DNAAF3: variants seen among roughly 807,000 people sequenced by gnomAD.
DNAAF3 encodes the protein dynein axonemal assembly factor 3.
In DNAAF3, 40 loss-of-function variants were observed where a neutral mutation model predicts 50.9. That is an observed-to-expected ratio of 0.79 (90% CI 0.61 to 1.02). The LOEUF (loss-of-function observed/expected upper bound fraction) is 1.02, where lower values mean the gene tolerates loss of function less well. Among genes scored for constraint, DNAAF3 ranks in the 50% least tolerant of loss-of-function variants. The pLI is 0.00. For missense variants in DNAAF3, 763 were observed against 744.7 expected, an observed-to-expected ratio of 1.02 and a Z score of -0.29; for synonymous variants, 327 against 322.8, an observed-to-expected ratio of 1.01 and a Z score of -0.14.
intron 4 of DNAAF3, chr19:55,162,517 C>T (rs1436560584): frequency 3.0e-5 from 24 of 801,454 alleles, no homozygotes; most frequent in Middle Eastern, 4.6e-4. Flanking sequence ...AACCCGGAGG[C>T]GGAGGTTGCA....
chr19:55,160,904 C>T lies in DNAAF3; in HGVS notation c.913-129G>A. The T allele has an allele frequency of 6.9e-7, 1 of 1,454,230 alleles. No homozygotes were observed. The highest frequency in any genetic ancestry group is 1.4e-5 in the South Asian group (1 of 73,616). The allele number at this position is 1,454,230 out of a possible 1,614,324, so 90.1% of individuals were successfully genotyped here. On this transcript the variant is annotated intron_variant, in intron 8 of 11. Coordinates refer to ENST00000524407, the MANE Select transcript of DNAAF3 (RefSeq NM_001256715.2). This position sits in a 1 kb window ranked among gnomAD's most constrained non-coding sequence, Gnocchi z 4.7. ...TGGAGGATGTGAAGTGGGGCGGGAC[C>T]TATCCCGCGGGGATGGGGCCTGTTC... is the stretch of plus-strand genomic sequence containing the variant.
Position 55,162,367 on chromosome 19 carries a change from G to A in DNAAF3, c.323-77C>T, listed in dbSNP as rs2085853447. 6 of 1,230,942 alleles carry A rather than the reference G, an allele frequency of 4.9e-6. No individual in the cohort carries two copies. In the East Asian group the frequency reaches 1.9e-4, roughly 39 times the overall value. 76.3% of individuals were successfully genotyped at this position (1,230,942 alleles called of 1,614,324 possible). On this transcript the variant is annotated intron_variant, in intron 4 of 11. Coordinates refer to ENST00000524407, the MANE Select transcript of DNAAF3 (RefSeq NM_001256715.2). ...AATTACACCCTTAATATGTTATTAT[G>A]TCATAGTCATCTAATGAAAACAATG... is the stretch of plus-strand genomic sequence containing the variant.
rs201905107 is a variant in DNAAF3 at position 55,162,095 on chromosome 19, C to T, written c.480+38G>A. 661 of 1,240,142 alleles carry T rather than the reference C, an allele frequency of 5.3e-4. 1 individual carries two copies. The African/African-American group carries it at 8.8e-3, about 17-fold the overall frequency. The allele number at this position is 1,240,142 out of a possible 1,614,324, so 76.8% of individuals were successfully genotyped here. The stretch of plus-strand genomic sequence containing the variant: ...GGACTGTGCGCTTCCATTATTCCCG[C>T]GGCCACCCGATCCCAGATGGAGGCC... On this transcript the variant is annotated intron_variant, in intron 5 of 11. Transcript: ENST00000524407.
In DNAAF3 at chr19:55,158,802, T is replaced by C. The variant is rs2085765029; in HGVS notation, c.*260A>G. ...CAAGGGCCTGAGACTCAGTGTCAGA[T>C]CCTAGGCTGGGCTTAGAGCCTCAGA... On this transcript the variant is annotated 3_prime_UTR_variant, in exon 12 of 12. Coordinates refer to ENST00000524407, the MANE Select transcript of DNAAF3 (RefSeq NM_001256715.2). 2.6e-6 allele frequency: 1 copy of C among 391,494 alleles called. No homozygotes were observed. Among genetic ancestry groups the C allele is most frequent in the Non-Finnish European group, 4.6e-6 (1 of 219,358 alleles). The allele number at this position is 391,494 out of a possible 1,614,324, so 24.3% of individuals were successfully genotyped here.
chr19:55,161,493 G>C lies in DNAAF3; in HGVS notation c.664-75C>G. On this transcript the variant is annotated intron_variant, in intron 6 of 11. Coordinates refer to ENST00000524407, the MANE Select transcript of DNAAF3 (RefSeq NM_001256715.2). This position sits in a 1 kb window ranked among gnomAD's most constrained non-coding sequence, Gnocchi z 6.4. ...GAGACCCCTACACCAGCCTCCCTCA[G>C]ACCCAGGAGTCCAGGTCCCCAGGCC... 1 of 1,523,400 alleles carries C rather than the reference G, an allele frequency of 6.6e-7. No individual in the cohort carries two copies. The highest frequency in any genetic ancestry group is 8.8e-7 in the Non-Finnish European group (1 of 1,138,246). The allele number at this position is 1,523,400 out of a possible 1,614,324, so 94.4% of individuals were successfully genotyped here.
Position 55,161,384 on chromosome 19 carries a change from C to G in DNAAF3, c.698G>C (p.Trp233Ser), listed in dbSNP as rs1392029622. The change falls in exon 7 of 12, where the codon TGG (tryptophan) becomes TCG (serine). Residue 233 changes from tryptophan (W) to serine (S), a missense_variant. Coordinates refer to ENST00000524407, the MANE Select transcript of DNAAF3 (RefSeq NM_001256715.2). The surrounding 1 kb of genome is among the most constrained non-coding windows in gnomAD (Gnocchi z 6.4). ...TTCAAAGGCGACGCCTGTGTCCCGC[C>G]AGCGTCGGAACTCCTGGGGGTGAAT... is the stretch of plus-strand genomic sequence containing the variant. ...QVIHPQEFRR[W>S]RDTGVAFELR... 2 of 1,602,132 alleles carry G rather than the reference C, an allele frequency of 1.2e-6. No homozygotes were observed. The highest frequency in any genetic ancestry group is 1.7e-6 in the Non-Finnish European group (2 of 1,174,590).
Position 55,160,014 on chromosome 19 carries a change from C to G in DNAAF3, c.1049-1G>C. The stretch of plus-strand genomic sequence containing the variant: ...GTGAAAGATTCCGGGGTCGGGGCTG[C>G]TGGGGGAAGGGGATAGAGGGGTCAC... On this transcript the variant is annotated splice_acceptor_variant, in intron 9 of 11. Transcript: ENST00000524407. LOFTEE classifies it high-confidence loss of function. This position sits in a 1 kb window ranked among gnomAD's most constrained non-coding sequence, Gnocchi z 4.7. 1 of 1,359,674 alleles carries G rather than the reference C, an allele frequency of 7.4e-7. No homozygotes were observed. Among genetic ancestry groups the G allele is most frequent in the Non-Finnish European group, 1.0e-6 (1 of 968,202 alleles). The allele number at this position is 1,359,674 out of a possible 1,614,324, so 84.2% of individuals were successfully genotyped here.
At position 55,165,391 on chromosome 19, in the gene DNAAF3, G is replaced by A. The variant is rs745672775; in HGVS notation, c.301C>T (p.Pro101Ser). 16 of 1,614,028 alleles carry A rather than the reference G, an allele frequency of 9.9e-6. No homozygotes were observed. In the Admixed American group the frequency reaches 1.7e-4, roughly 17 times the overall value. The part of the protein sequence containing the change: ...MLIFSLALEE[P>S]EKMGLQERSE... ...AGACCTTGCAGCCCCATCTTCTCCG[G>A]TTCCTCCAGGGCTAGGCTGAAGATC... is the stretch of plus-strand genomic sequence containing the variant. Residue 101 changes from proline to serine, a missense_variant, in exon 4 of 12, where the codon CCG becomes TCG. Coordinates refer to ENST00000524407, the MANE Select transcript of DNAAF3 (RefSeq NM_001256715.2).
chr19:55,159,720 C>A (rs1433188233), intron 10 of DNAAF3, 113 bp from the exon 11 acceptor site: 2 of 1,560,962 alleles, frequency 1.3e-6, no homozygotes, highest in Non-Finnish European at 1.7e-6. Flanking sequence ...GAGTCTGGGT[C>A]CTGGGGAAAG....
chr19:55,159,783 C>T, intron 10 of DNAAF3, 116 bp downstream of exon 10: 1 of 968,140 alleles, frequency 1.0e-6, no homozygotes, highest in Non-Finnish European at 1.3e-6. Flanking sequence ...GGCTGGGGGC[C>T]TGGACCCCTG....
rs769825284 is a variant in DNAAF3 at position 55,160,090 on chromosome 19, TGG to T, written c.1049-79_1049-78del. On this transcript the variant is annotated intron_variant, in intron 9 of 11. Coordinates refer to ENST00000524407, the MANE Select transcript of DNAAF3 (RefSeq NM_001256715.2). The surrounding 1 kb of genome is among the most constrained non-coding windows in gnomAD (Gnocchi z 4.7). ...GGAAAACCAGAGAGATACACAGAGC[TGG>T]GCAGAGCTGGGCAGGCACACAGGAC... 4.5e-5 allele frequency: 41 copies of T among 914,504 alleles called. No homozygotes were observed. Among genetic ancestry groups the T allele is most frequent in the Non-Finnish European group, 7.2e-5 (40 of 557,128 alleles). 56.6% of individuals were successfully genotyped at this position (914,504 alleles called of 1,614,324 possible).
intron 10 of DNAAF3, 90 bp from the exon 11 acceptor site, chr19:55,159,697 G>A: frequency 6.3e-7 from 1 of 1,589,064 alleles, no homozygotes; most frequent in Non-Finnish European, 8.5e-7. Context: ...AGGGAGGAGG[G>A]GTGGCAAAAC....
rs766154848 is a variant in DNAAF3, at chr19:55,159,038, G to A, written c.*24C>T. The stretch of plus-strand genomic sequence containing the variant: ...CTACAACCTGACTTTGGAAGTTGGA[G>A]ATAAGGGGTGTCTAGGGGTTGGGTC... On this transcript the variant is annotated 3_prime_UTR_variant, in exon 12 of 12. Coordinates refer to ENST00000524407, the MANE Select transcript of DNAAF3 (RefSeq NM_001256715.2). 12 of 1,545,824 alleles carry A rather than the reference G, an allele frequency of 7.8e-6. No individual in the cohort carries two copies. The African/African-American group carries it at 1.5e-4, about 20-fold the overall frequency.
chr19:55,161,233 C>T lies in DNAAF3; in HGVS notation c.790-46G>A, dbSNP rs74380007. The T allele has an allele frequency of 2.5e-6, 4 of 1,591,944 alleles. No homozygotes were observed. The highest frequency in any genetic ancestry group is 3.4e-6 in the Non-Finnish European group (4 of 1,166,334). On this transcript the variant is annotated intron_variant, in intron 7 of 11. Transcript: ENST00000524407. This position sits in a 1 kb window ranked among gnomAD's most constrained non-coding sequence, Gnocchi z 6.4. ...GAGGCAGGTGAGGTCGATGTTGGGG[C>T]CCCTGACTCCTAGGACTCCGAGCAG...
chr19:55,159,486 T>C (rs753118183), intron 11 of DNAAF3, 37 bp from the exon 12 acceptor site: 5 of 1,604,748 alleles, frequency 3.1e-6, no homozygotes, highest in Admixed American at 1.7e-5. Flanking sequence ...GACCCAGATT[T>C]TGATCCCCAG....
chr19:55,165,576 C>T (rs1232616904), intron 3 of DNAAF3, 113 bp from the exon 4 acceptor site: 7 of 1,063,992 alleles, frequency 6.6e-6, no homozygotes, highest in Non-Finnish European at 9.6e-6. Flanking sequence ...TTCTGTACAC[C>T]AGCCTCTTCC....
In DNAAF3 at chr19:55,159,929, C is replaced by A; in HGVS notation, c.1133G>T (p.Gly378Val). 1 of 1,613,964 alleles carries A rather than the reference C, an allele frequency of 6.2e-7. No individual in the cohort carries two copies. The highest frequency in any genetic ancestry group is 8.5e-7 in the Non-Finnish European group (1 of 1,180,002). ...QTLHHKSCYN[G>V]RFQLLYVACG... ...GGCCACATAGAGGAGCTGGAATCGG[C>A]CGTTGTAGCAGCTCTTGTGGTGGAG... is the stretch of plus-strand genomic sequence containing the variant. The change falls in exon 10 of 12, where the codon GGC (glycine) becomes GTC (valine). Residue 378 changes from glycine to valine, a missense_variant. Coordinates refer to ENST00000524407, the MANE Select transcript of DNAAF3 (RefSeq NM_001256715.2).
In DNAAF3 at chr19:55,159,192, C is replaced by A. The variant is rs199690352; in HGVS notation, c.1496G>T (p.Gly499Val). The change falls in exon 12 of 12, where the codon GGT becomes GTT. Residue 499 changes from glycine (G) to valine (V), a missense_variant. Coordinates refer to ENST00000524407, the MANE Select transcript of DNAAF3 (RefSeq NM_001256715.2). ...GCAGGGCTCACAGTGTGGGGTCCCA[C>A]CCTGCAGAGGCTGGGTCAGGCCCTC... ...ALEGLTQPLQ[G>V]GTPHCEPCQL... 6.2e-7 allele frequency: 1 copy of A among 1,613,930 alleles called. No individual in the cohort carries two copies. Among genetic ancestry groups the A allele is most frequent in the African/African-American group, 1.3e-5 (1 of 75,058 alleles).
At chr19:55,165,492 C>G (rs746954174) in intron 3 of DNAAF3, 29 bp from the exon 4 acceptor site, 1 of 1,611,282 alleles carries the variant, frequency 6.2e-7, no homozygotes, top group East Asian at 2.2e-5. Context: ...CAGAATAATT[C>G]TGAGACCTGT....
Sources: allele counts gnomAD v4.1 joint callset, GRCh38; gene constraint gnomAD v4.1.1; non-coding constraint Gnocchi (gnomAD v3.1); transcripts MANE v1.5; gene names NCBI Gene and HGNC (gene_info 2026-07-23, HGNC 2026-07-21).